DPP10: variants seen among roughly 807,000 people sequenced by gnomAD.
DPP10 encodes inactive dipeptidyl peptidase 10.
DPP10 carries 33 observed loss-of-function variants against 120.9 expected under a neutral mutation model. The observed-to-expected ratio is 0.27, with a 90% CI of 0.21 to 0.37. The LOEUF is 0.37. Ranked by LOEUF, DPP10 falls within the 10% of genes least tolerant of loss-of-function variation. DPP10 has a pLI of 1.00. For synonymous variants in DPP10, 337 were observed against 326.1 expected, an observed-to-expected ratio of 1.03 and a Z score of -0.36; for missense variants, 816 against 942.8, an observed-to-expected ratio of 0.87 and a Z score of 1.76.
At position 115,540,679 on chromosome 2, in the gene DPP10, C is replaced by T. The variant is rs141177810; in HGVS notation, c.441+14707C>T. Among the ~76,000 whole-genome samples the T allele has an allele frequency of 3.5e-3, 531 of 151,996 alleles. 2 individuals are homozygous for T. Among genetic ancestry groups the T allele is most frequent in the African/African-American group, 0.012 (494 of 41,530 alleles). ...AATTTTGCACTTAAACTTGTGAATACTGTCAGACAATGGTTTTCATCATAT... is the reference window on the plus strand; with the variant it reads ...AATTTTGCACTTAAACTTGTGAATATTGTCAGACAATGGTTTTCATCATAT... On this transcript the variant is annotated intron_variant, in intron 5 of 25. Coordinates refer to ENST00000410059, the MANE Select transcript of DPP10 (RefSeq NM_020868.6).
chr2:114,621,647 C>G (rs983744855), intron 1 of DPP10, among the ~76,000 whole-genome samples: 4 of 151,908 alleles, frequency 2.6e-5, no homozygotes, highest in Non-Finnish European at 1.5e-5. Context: ...AAAAGGCACT[C>G]CGAGCACCCT....
In DPP10 at chr2:114,643,476, A is replaced by T. The variant is rs1412214315; in HGVS notation, c.60+200638A>T. Among the ~76,000 whole-genome samples, 3 of 151,880 alleles carry T rather than the reference A, an allele frequency of 2.0e-5. No individual in the cohort carries two copies. In the East Asian group the frequency reaches 5.8e-4, roughly 29 times the overall value. On this transcript the variant is annotated intron_variant, in intron 1 of 25. Coordinates refer to ENST00000410059, the MANE Select transcript of DPP10 (RefSeq NM_020868.6). ...CATGCAGGATACTGACAAGCTTTTT[A>T]TTTATGACCCAGGGTTTAACCCATG...
intron 5 of DPP10, among the ~76,000 whole-genome samples, chr2:115,660,655 C>CTTTTTTTTTT: frequency 1.2e-4 from 3 of 25,320 alleles, no homozygotes; most frequent in Admixed American, 8.7e-4. Context: ...CTCTGTCTGG[C>CTTTTTTTTTT]TTTTTTTTTT....
chr2:115,429,556 A>G (rs555245287), intron 3 of DPP10, among the ~76,000 whole-genome samples: 137 of 152,324 alleles, frequency 9.0e-4, no homozygotes, highest in African/African-American at 3.2e-3. Flanking sequence ...AAGCTAATTG[A>G]TGTATTCTAG....
chr2:114,634,867 A>G (rs1695196354), intron 1 of DPP10, among the ~76,000 whole-genome samples: 1 of 151,784 alleles, frequency 6.6e-6, no homozygotes, highest in Non-Finnish European at 1.5e-5. Context: ...GATCTGATCT[A>G]TGTTATTTAG....
At chr2:115,715,433 C>CCTTTTTTT (rs749567373) in intron 7 of DPP10, among the ~76,000 whole-genome samples, 4 of 151,870 alleles carry the variant, frequency 2.6e-5, no homozygotes, top group Non-Finnish European at 4.4e-5. Context: ...TCATCTGAAG[C>CCTTTTTTT]CTTTTTTTGA....
At chr2:114,862,076 C>G (rs1284811441) in intron 1 of DPP10, among the ~76,000 whole-genome samples, 1 of 152,062 alleles carries the variant, frequency 6.6e-6, no homozygotes, top group Admixed American at 6.6e-5. Flanking sequence ...TTAAAAATAC[C>G]TGTAAATTCA....
chr2:115,318,055 TA>T (rs2061882304), intron 2 of DPP10, among the ~76,000 whole-genome samples: 1 of 152,134 alleles, frequency 6.6e-6, no homozygotes, highest in African/African-American at 2.4e-5. Context: ...TTGTTTTTTT[TA>T]AATGAGTTTA....
intron 1 of DPP10, among the ~76,000 whole-genome samples, chr2:115,039,878 A>T (rs62164491): frequency 6.6e-6 from 1 of 151,982 alleles, no homozygotes; most frequent in Non-Finnish European, 1.5e-5. Context: ...CACCACACCC[A>T]GCAGCCTCAG....
chr2:115,503,898 G>A (rs753612457), intron 4 of DPP10, among the ~76,000 whole-genome samples: 5 of 152,002 alleles, frequency 3.3e-5, no homozygotes, highest in African/African-American at 1.2e-4. Flanking sequence ...TACACTTAAC[G>A]CAACCAGAAA....
intron 19 of DPP10, among the ~76,000 whole-genome samples, chr2:115,798,178 T>C (rs894292519): frequency 3.9e-4 from 59 of 151,994 alleles, no homozygotes; most frequent in Admixed American, 3.3e-4. Flanking sequence ...ATAAGAAATA[T>C]TGAACTTCGT....
intron 3 of DPP10, among the ~76,000 whole-genome samples, chr2:115,368,999 A>G (rs972950556): frequency 1.3e-5 from 2 of 151,996 alleles, no homozygotes; most frequent in African/African-American, 4.8e-5. Flanking sequence ...CACTAATAAT[A>G]TAATTTACTT....
intron 1 of DPP10, among the ~76,000 whole-genome samples, chr2:115,265,046 C>T (rs906891444): frequency 2.6e-5 from 4 of 152,062 alleles, no homozygotes; most frequent in African/African-American, 9.7e-5. Context: ...AACTTCTGTA[C>T]ATTGCACTTG....
chr2:114,936,148 C>A (rs1038660937), intron 1 of DPP10, among the ~76,000 whole-genome samples: 1 of 152,060 alleles, frequency 6.6e-6, no homozygotes. Flanking sequence ...TGCTTCCCAC[C>A]CTTTCCCCAA....
At chr2:115,205,604 A>T (rs1259207859) in intron 1 of DPP10, among the ~76,000 whole-genome samples, 1 of 152,192 alleles carries the variant, frequency 6.6e-6, no homozygotes, top group African/African-American at 2.4e-5. Context: ...ATTATTCATA[A>T]TTCCAAAGAC....
intron 1 of DPP10, among the ~76,000 whole-genome samples, chr2:114,915,753 A>G (rs541855260): frequency 6.6e-6 from 1 of 152,378 alleles, no homozygotes; most frequent in African/African-American, 2.4e-5. Flanking sequence ...TGGGGAAAGA[A>G]TGAAAATAAA....
chr2:115,334,690 A>G (rs1237535075), intron 2 of DPP10, among the ~76,000 whole-genome samples: 2 of 152,012 alleles, frequency 1.3e-5, no homozygotes, highest in African/African-American at 2.4e-5. Flanking sequence ...TATGAAAGAG[A>G]TATTTCAAGA....
Position 114,644,570 on chromosome 2 carries a change from C to T in DPP10, c.60+201732C>T, listed in dbSNP as rs954695010. On this transcript the variant is annotated intron_variant, in intron 1 of 25. Coordinates refer to ENST00000410059, the MANE Select transcript of DPP10 (RefSeq NM_020868.6). Reference sequence around the variant, plus strand: ...CCTGTTGCCTTGGCCATATCAGAGTCTCTGGATGCAGGGCCCTGGAATCAC... The same window carrying T: ...CCTGTTGCCTTGGCCATATCAGAGTTTCTGGATGCAGGGCCCTGGAATCAC... Among the ~76,000 whole-genome samples the T allele has an allele frequency of 1.6e-4, 24 of 151,864 alleles. 1 individual carries two copies. Among genetic ancestry groups the T allele is most frequent in the Non-Finnish European group, 2.9e-5 (2 of 68,032 alleles).
chr2:114,635,433 G>T, intron 1 of DPP10, among the ~76,000 whole-genome samples: 1 of 151,828 alleles, frequency 6.6e-6, no homozygotes, highest in Admixed American at 6.6e-5. Flanking sequence ...TCACAATACT[G>T]CTATCTTGAT....
Sources: gnomAD v4.1 joint callset for allele counts (sites outside exome capture counted in the v4.1 genomes callset) on GRCh38, gnomAD v4.1.1 for gene constraint, MANE v1.5 for transcripts, NCBI Gene and HGNC (gene_info 2026-07-23, HGNC 2026-07-21) for gene names.